Variants in ATP2C1 observed in about 807,000 individuals in gnomAD.
The protein encoded by ATP2C1 is calcium-transporting ATPase type 2C member 1.
ATP2C1 carries 31 observed loss-of-function variants against 120.5 expected under a neutral mutation model. The ratio of observed to expected loss-of-function variants is 0.26; its 90% CI spans 0.19 to 0.35. The LOEUF (loss-of-function observed/expected upper bound fraction) is 0.35. Ranked by LOEUF, ATP2C1 falls within the 10% of genes least tolerant of loss-of-function variation. The pLI is 1.00. For missense variants in ATP2C1, 731 were observed against 1,107.5 expected (o/e 0.66, Z 4.83); for synonymous variants, 351 against 358.7 (o/e 0.98, Z 0.24).
At position 131,015,362 on chromosome 3, in the gene ATP2C1, C is replaced by T. The variant is rs902731262; in HGVS notation, c.2630-790C>T. On this transcript the variant is annotated intron_variant, in intron 26 of 26. Coordinates refer to the ATP2C1 transcript ENST00000328560. ...ATCTCCTTTTTATCTTCATCTCTCC[C>T]TCAAGTACCTCCTGGATGGTCAATT... The T allele has an allele frequency of 6.5e-6, 4 of 611,850 alleles. No homozygotes were observed. The African/African-American group carries it at 7.4e-5, about 11-fold the overall frequency. The allele number at this position is 611,850 out of a possible 1,614,324, so 37.9% of individuals were successfully genotyped here. A position where few individuals can be genotyped will look rare whatever the true frequency, so the allele number is the denominator to read the frequency against.
chr3:130,909,187 C>T (rs935242871), intron 2 of ATP2C1, among the ~76,000 whole-genome samples: 2 of 152,164 alleles, frequency 1.3e-5, no homozygotes, highest in Non-Finnish European at 2.9e-5. Context: ...CTTAGTACCA[C>T]AGGCAGTAAG....
At chr3:130,969,837 A>G (rs2061217742) in intron 17 of ATP2C1, among the ~76,000 whole-genome samples, 1 of 152,208 alleles carries the variant, frequency 6.6e-6, no homozygotes, top group African/African-American at 2.4e-5. Flanking sequence ...TATGTCATTC[A>G]TGTTGATTAC....
At chr3:130,933,911 A>G (rs768780361) in intron 4 of ATP2C1, among the ~76,000 whole-genome samples, 10 of 152,194 alleles carry the variant, frequency 6.6e-5, no homozygotes, top group Non-Finnish European at 1.2e-4. Flanking sequence ...GATTCTTTTT[A>G]GCCTAATTAC....
upstream of ATP2C1, among the ~76,000 whole-genome samples, chr3:130,889,577 A>G (rs1432567522): frequency 1.3e-5 from 2 of 151,404 alleles, no homozygotes; most frequent in Admixed American, 1.3e-4. Context: ...ATTCCCATTC[A>G]GATAATGTTG....
In ATP2C1 at chr3:130,975,392, A is replaced by G; in HGVS notation, c.1474A>G (p.Thr492Ala). ...CGAACAAGTAATTAAGTACTGTACTACATACCAGAGCAAAGGGCAGACCTT... is the reference window on the plus strand; with the variant it reads ...CGAACAAGTAATTAAGTACTGTACTGCATACCAGAGCAAAGGGCAGACCTT... ...AYEQVIKYCT[T>A]YQSKGQTLTL... is the part of the protein sequence containing the mutation. Residue 492 changes from threonine (T) to alanine (A), a missense_variant, in exon 18 of 28, where the codon ACA becomes GCA. Physicochemically the swap from Thr to Ala is moderately conservative, Grantham distance 58. Around this residue, in one of 3 missense-constraint regions of ATP2C1, gnomAD observed 571 missense variants for 845.9 expected, o/e 0.67. Coordinates refer to ENST00000510168, the MANE Select transcript of ATP2C1 (RefSeq NM_001378687.1). 2.5e-6 allele frequency: 4 copies of G among 1,613,892 alleles called. No homozygotes were observed. Among genetic ancestry groups the G allele is most frequent in the Non-Finnish European group, 3.4e-6 (4 of 1,179,828 alleles).
chr3:130,940,607 T>A, intron 6 of ATP2C1, 23 bp from the exon 7 acceptor site: 1 of 1,528,388 alleles, frequency 6.5e-7, no homozygotes. Flanking sequence ...AAAATTAAAT[T>A]CTACTTTTTT....
intron 1 of ATP2C1, among the ~76,000 whole-genome samples, chr3:130,878,080 T>C (rs1044505065): frequency 7.3e-5 from 10 of 137,548 alleles, no homozygotes; most frequent in African/African-American, 2.5e-4. Flanking sequence ...TGGGTGGGAA[T>C]TGAACAATGA....
intron 1 of ATP2C1, among the ~76,000 whole-genome samples, chr3:130,869,615 A>G (rs915844170): frequency 1.3e-5 from 2 of 152,198 alleles, no homozygotes; most frequent in Non-Finnish European, 2.9e-5. Flanking sequence ...TAAGAAAGCT[A>G]AACAGTATTT....
rs190168364 is a variant in ATP2C1, at chr3:130,950,178, A to T, written c.532-3643A>T. On this transcript the variant is annotated intron_variant, in intron 8 of 27. Coordinates refer to ENST00000510168, the MANE Select transcript of ATP2C1 (RefSeq NM_001378687.1). ...TTTTCCAATCATTTTTATTGTGTAC[A>T]TGTTAAATATTTAGACTGTGGATTA... Among the ~76,000 whole-genome samples, 3 of 152,262 alleles carry T rather than the reference A, an allele frequency of 2.0e-5. No homozygotes were observed. In the East Asian group the frequency reaches 5.8e-4, roughly 29 times the overall value.
At chr3:130,951,434 G>A (rs1047069575) in intron 8 of ATP2C1, among the ~76,000 whole-genome samples, 1 of 152,110 alleles carries the variant, frequency 6.6e-6, no homozygotes, top group Non-Finnish European at 1.5e-5. Flanking sequence ...TGATAATTTA[G>A]CATAGATATG....
At position 130,894,129 on chromosome 3, in the gene ATP2C1, T is replaced by G. The variant is rs2069352423; in HGVS notation, c.-389T>G. ...AGCCGGCCCGGCGGACCGTGACGGG[T>G]CCCCTCACCTCCTCTTCTCTCCCCT... On this transcript the variant is annotated 5_prime_UTR_variant, in exon 1 of 28. Transcript: ENST00000510168. The surrounding 1 kb of genome is among the most constrained non-coding windows in gnomAD (Gnocchi z 4.5). 1.0e-6 allele frequency: 1 copy of G among 960,516 alleles called. No individual in the cohort carries two copies. The highest frequency in any genetic ancestry group is 1.2e-6 in the Non-Finnish European group (1 of 808,234). The allele number at this position is 960,516 out of a possible 1,614,324, so 59.5% of individuals were successfully genotyped here. A position where few individuals can be genotyped will look rare whatever the true frequency, so the allele number is the denominator to read the frequency against.
intron 2 of ATP2C1, among the ~76,000 whole-genome samples, chr3:130,896,657 A>G (rs1218395545): frequency 1.3e-5 from 2 of 152,206 alleles, no homozygotes; most frequent in Non-Finnish European, 2.9e-5. Flanking sequence ...TGGAGGTGTG[A>G]AACAAAAATG....
At chr3:130,889,579 A>G (rs932379842), upstream of ATP2C1, among the ~76,000 whole-genome samples, 12 of 150,200 alleles carry the variant, frequency 8.0e-5, no homozygotes, top group African/African-American at 2.7e-4. Context: ...TCCCATTCAG[A>G]TAATGTTGTC....
intron 2 of ATP2C1, among the ~76,000 whole-genome samples, chr3:130,905,386 T>C (rs577636115): frequency 2.0e-5 from 3 of 152,232 alleles, no homozygotes; most frequent in East Asian, 3.9e-4. Context: ...TCTCTTTCTT[T>C]GTTACTTCCT....
intron 1 of ATP2C1, among the ~76,000 whole-genome samples, chr3:130,867,711 C>G (rs2068235946): frequency 6.9e-6 from 1 of 145,388 alleles, no homozygotes; most frequent in Admixed American, 6.9e-5. Flanking sequence ...CCGGCCGCCA[C>G]CCCGTCTGGG....
intron 20 of ATP2C1, among the ~76,000 whole-genome samples, chr3:130,992,418 T>C (rs2062400038): frequency 6.6e-6 from 1 of 152,158 alleles, no homozygotes; most frequent in African/African-American, 2.4e-5. Context: ...GGATTAAATA[T>C]TTATTTTGGA....
At chr3:130,895,384 T>C (rs569712907) in intron 2 of ATP2C1, among the ~76,000 whole-genome samples, 1 of 152,374 alleles carries the variant, frequency 6.6e-6, no homozygotes, top group African/African-American at 2.4e-5. Context: ...CTGTACACTT[T>C]GGACACATTA....
chr3:130,858,667 G>A (rs2067920414), intron 1 of ATP2C1, among the ~76,000 whole-genome samples: 1 of 152,274 alleles, frequency 6.6e-6, no homozygotes, highest in Non-Finnish European at 1.5e-5. Flanking sequence ...AATGTGGGGA[G>A]TAGGGGTGCA....
intron 8 of ATP2C1, among the ~76,000 whole-genome samples, chr3:130,948,845 A>G (rs774030805): frequency 1.3e-5 from 2 of 152,048 alleles, no homozygotes; most frequent in Admixed American, 6.6e-5. Context: ...TTTCAATATT[A>G]TGTCTATTAT....
Sources: allele counts gnomAD v4.1 joint callset (sites outside exome capture counted in the v4.1 genomes callset), GRCh38; gene constraint gnomAD v4.1.1; regional missense constraint gnomAD v4.1.1; non-coding constraint Gnocchi (gnomAD v3.1); transcripts MANE v1.5; gene names NCBI Gene and HGNC (gene_info 2026-07-23, HGNC 2026-07-21).